Variants in MCF2 observed in about 807,000 individuals in gnomAD.
MCF2 encodes MCF.2 cell line derived transforming sequence.
In MCF2, 44 loss-of-function variants were observed where a neutral mutation model predicts 82.5. The ratio of observed to expected loss-of-function variants is 0.53; its 90% CI spans 0.42 to 0.69. The LOEUF is 0.69. Among genes scored for constraint, MCF2 ranks in the 30% least tolerant of loss-of-function variants. The pLI is 0.00. For missense variants in MCF2, 623 were observed against 663.1 expected, an observed-to-expected ratio of 0.94 and a Z score of 0.66; for synonymous variants, 217 against 224.9, an observed-to-expected ratio of 0.96 and a Z score of 0.32.
intron 1 of MCF2, among the ~76,000 whole-genome samples, chrX:139,635,916 CTTT>C (rs1353817785): frequency 9.1e-6 from 1 of 110,311 alleles, no homozygotes; most frequent in Non-Finnish European, 1.9e-5. Flanking sequence ...TTGTTTCCTT[CTTT>C]GTGTTCATAA....
At chrX:139,631,268 C>A in intron 3 of MCF2, 127 bp downstream of exon 6, 3 of 415,758 alleles carry the variant, frequency 7.2e-6, no homozygotes, top group Non-Finnish European at 1.3e-5. Context: ...AAATGAGGGC[C>A]CAGAAAGCTG....
intron 1 of MCF2, among the ~76,000 whole-genome samples, chrX:139,699,677 T>C (rs1935450300): frequency 8.9e-6 from 1 of 112,707 alleles, no homozygotes; most frequent in African/African-American, 3.2e-5. Context: ...CATGTATTAG[T>C]ATTTCATTCC....
chrX:139,594,389 T>C (rs1245688654), intron 19 of MCF2, among the ~76,000 whole-genome samples: 4 of 111,164 alleles, frequency 3.6e-5, no homozygotes, highest in Non-Finnish European at 7.5e-5. Context: ...TATAGATCAA[T>C]GGAACAGAAC....
Position 139,629,943 on chromosome X carries a change from G to A in MCF2, c.289-99C>T, listed in dbSNP as rs1326541767. On this transcript the variant is annotated intron_variant, in intron 3 of 24. Coordinates refer to ENST00000370576, the Ensembl canonical transcript of MCF2. ...ATTTGTTTTTATTGGGGGTATAACG[G>A]CAAACACATATACTATGAACTCTCC... is the stretch of plus-strand genomic sequence containing the variant. 7.8e-6 allele frequency: 5 copies of A among 638,540 alleles called. No homozygotes were observed. In the African/African-American group the frequency reaches 8.9e-5, roughly 11 times the overall value. The allele number at this position is 638,540 out of a possible 1,213,427, so 52.6% of individuals were successfully genotyped here.
intron 1 of MCF2, among the ~76,000 whole-genome samples, chrX:139,706,799 CA>C (rs936371013): frequency 9.1e-6 from 1 of 110,129 alleles, no homozygotes; most frequent in African/African-American, 3.3e-5. Flanking sequence ...AACACAAAAT[CA>C]GGGGGGAAAA....
chrX:139,680,454 C>T (rs1307679399), intron 1 of MCF2, among the ~76,000 whole-genome samples: 1 of 112,068 alleles, frequency 8.9e-6, no homozygotes, highest in East Asian at 2.8e-4. Flanking sequence ...GGAAAAGGCA[C>T]TGAAAGGGCA....
rs763780629 is a variant in MCF2, at chrX:139,624,531, C to CA, written c.687+1661dup. On this transcript the variant is annotated intron_variant, in intron 6 of 24. Coordinates refer to ENST00000370576, the Ensembl canonical transcript of MCF2. ...TCCAGCCTGGGAGACAGAACTGTCTCAAAAAAAAAAAAAAAGGACTATATT... is the reference window on the plus strand; with the variant it reads ...TCCAGCCTGGGAGACAGAACTGTCTCAAAAAAAAAAAAAAAAGGACTATATT... Among the ~76,000 whole-genome samples, 361 of 47,853 alleles carry CA rather than the reference C, an allele frequency of 7.5e-3. 1 individual carries two copies. Among genetic ancestry groups the CA allele is most frequent in the East Asian group, 0.013 (18 of 1,433 alleles). 41.6% of individuals were successfully genotyped at this position (47,853 alleles called of 115,157 possible).
rs147227558 is a variant in MCF2 at position 139,600,273 on chromosome X, C to A, written c.1837-1775G>T. Reference sequence around the variant, plus strand: ...CACTGAATTGTATACTTTAAAAGGGCGAACTGATGGCATTTTAGTTATAGC... The same window carrying A: ...CACTGAATTGTATACTTTAAAAGGGAGAACTGATGGCATTTTAGTTATAGC... On this transcript the variant is annotated intron_variant, in intron 16 of 24. Transcript: ENST00000370576. 5.4e-5 allele frequency among the ~76,000 whole-genome samples: 6 copies of A among 110,640 alleles called. No individual in the cohort carries two copies. In the Admixed American group the frequency reaches 5.8e-4, roughly 11 times the overall value.
intron 1 of MCF2, among the ~76,000 whole-genome samples, chrX:139,679,040 A>G (rs1041983925): frequency 6.2e-5 from 7 of 112,549 alleles, no homozygotes; most frequent in Non-Finnish European, 1.1e-4. Context: ...CAAACAATCT[A>G]AAATGGAGAA....
intron 18 of MCF2, among the ~76,000 whole-genome samples, chrX:139,597,011 C>T (rs1053080022): frequency 2.7e-5 from 3 of 111,250 alleles, no homozygotes; most frequent in African/African-American, 9.8e-5. Context: ...GGTATTTCAG[C>T]TAGGGTAAGT....
At chrX:139,627,675 T>C (rs932777148) in intron 4 of MCF2, among the ~76,000 whole-genome samples, 2 of 111,886 alleles carry the variant, frequency 1.8e-5, no homozygotes, top group African/African-American at 6.5e-5. Flanking sequence ...ACCAACTATG[T>C]ACGGAACATT....
chrX:139,592,656 T>A (rs756731084), intron 19 of MCF2, among the ~76,000 whole-genome samples: 2 of 111,698 alleles, frequency 1.8e-5, no homozygotes, highest in African/African-American at 6.5e-5. Flanking sequence ...TATTAATTAC[T>A]TAGAAGGCCC....
Position 139,597,452 on chromosome X carries a change from G to A in MCF2, c.2055+8C>T, listed in dbSNP as rs1027179709. On this transcript the variant is annotated splice_region_variant and intron_variant, in intron 18 of 24. Transcript: ENST00000370576. ...CTAAAATTCCAACAATTATTAAAAT[G>A]TGCTTACAATATAGCCATTTATTGC... The A allele has an allele frequency of 3.4e-6, 4 of 1,184,968 alleles. No homozygotes were observed. The Admixed American group carries it at 6.6e-5, about 20-fold the overall frequency.
intron 1 of MCF2, among the ~76,000 whole-genome samples, chrX:139,691,556 C>A (rs1935263640): frequency 9.1e-6 from 1 of 110,467 alleles, no homozygotes; most frequent in Non-Finnish European, 1.9e-5. Context: ...CAGTTTCATA[C>A]TGCTTCCTGC....
chrX:139,617,439 G>A (rs1390326164), intron 8 of MCF2, 74 bp downstream of exon 11: 22 of 800,372 alleles, frequency 2.7e-5, no homozygotes, highest in Non-Finnish European at 3.7e-5. Context: ...GGAGGGCAAG[G>A]TGCTTCAGGC....
chrX:139,705,701 G>GA (rs1167530706), intron 1 of MCF2, among the ~76,000 whole-genome samples: 1 of 112,028 alleles, frequency 8.9e-6, no homozygotes, highest in African/African-American at 3.2e-5. Context: ...AATAAAACCA[G>GA]AAATAGACCA....
intron 1 of MCF2, among the ~76,000 whole-genome samples, chrX:139,678,973 A>G (rs1934938168): frequency 8.9e-6 from 1 of 112,652 alleles, no homozygotes; most frequent in African/African-American, 3.2e-5. Flanking sequence ...GAAAGAAAAC[A>G]TCCCAAGTAG....
At chrX:139,706,925 C>T (rs59600209) in intron 1 of MCF2, among the ~76,000 whole-genome samples, 2,081 of 109,360 alleles carry the variant, frequency 0.019, 49 homozygotes, top group African/African-American at 0.066. Flanking sequence ...AAGTTTATAA[C>T]CCATATAAAG....
chrX:139,627,476 T>C (rs1932788952), intron 4 of MCF2, among the ~76,000 whole-genome samples: 1 of 111,697 alleles, frequency 9.0e-6, no homozygotes, highest in African/African-American at 3.3e-5. Context: ...TTAACCTCAG[T>C]GGGTGGTGTA....
Sources: allele counts gnomAD v4.1 joint callset (sites outside exome capture counted in the v4.1 genomes callset), GRCh38; gene constraint gnomAD v4.1.1; transcripts MANE v1.5; gene names NCBI Gene and HGNC (gene_info 2026-07-23, HGNC 2026-07-21).